Variants in YES1 observed in about 807,000 individuals in gnomAD.
YES1 encodes the protein YES proto-oncogene 1, Src family tyrosine kinase, also known as tyrosine-protein kinase Yes.
In YES1, 39 loss-of-function variants were observed where a neutral mutation model predicts 70.4. The ratio of observed to expected loss-of-function variants is 0.55; its 90% CI spans 0.43 to 0.72. The LOEUF (loss-of-function observed/expected upper bound fraction) is 0.72, where lower values mean the gene tolerates loss of function less well. YES1 is among the 30% of genes least tolerant of loss of function. The pLI is 0.00. For missense variants in YES1, 495 were observed against 644.8 expected, an observed-to-expected ratio of 0.77 and a Z score of 2.52; for synonymous variants, 198 against 218.6, an observed-to-expected ratio of 0.91 and a Z score of 0.83.
intron 1 of YES1, among the ~76,000 whole-genome samples, chr18:777,715 G>A (rs1279475944): frequency 6.6e-6 from 1 of 151,664 alleles, no homozygotes; most frequent in African/African-American, 2.4e-5. Context: ...GCTGAGGCAG[G>A]AGCATTGCTC....
intron 2 of YES1, among the ~76,000 whole-genome samples, chr18:752,769 C>A (rs192817876): frequency 6.6e-6 from 1 of 152,000 alleles, no homozygotes; most frequent in Non-Finnish European, 1.5e-5. Context: ...AGGGCGAAAC[C>A]CTGTCTGTAC....
At chr18:791,562 C>G (rs963733194) in intron 1 of YES1, among the ~76,000 whole-genome samples, 1 of 152,072 alleles carries the variant, frequency 6.6e-6, no homozygotes, top group African/African-American at 2.4e-5. Flanking sequence ...ACAGTACTGT[C>G]CAATAGAAAT....
intron 1 of YES1, among the ~76,000 whole-genome samples, chr18:757,463 A>G (rs1289691143): frequency 1.2e-4 from 18 of 148,238 alleles, no homozygotes; most frequent in Non-Finnish European, 2.1e-4. Context: ...AGATCGCGCC[A>G]CTGCACTCCA....
chr18:731,992 C>T (rs2080095904), intron 11 of YES1, among the ~76,000 whole-genome samples: 1 of 141,428 alleles, frequency 7.1e-6, no homozygotes, highest in Non-Finnish European at 1.5e-5. Context: ...AAAAAAGTCT[C>T]TTAATTTTGA....
chr18:808,999 T>C (rs980491410), intron 1 of YES1, among the ~76,000 whole-genome samples: 2 of 152,178 alleles, frequency 1.3e-5, no homozygotes, highest in East Asian at 3.9e-4. Flanking sequence ...AAACCGAAAA[T>C]AGATAAAAGT....
At chr18:728,270 T>C (rs1598883990) in intron 11 of YES1, among the ~76,000 whole-genome samples, 2 of 151,060 alleles carry the variant, frequency 1.3e-5, no homozygotes, top group Non-Finnish European at 2.9e-5. Context: ...GAGGCTGCAG[T>C]GAGCCCTGAT....
chr18:798,004 A>ACACAGT (rs1861303156), intron 1 of YES1: 1 of 152,228 alleles, frequency 6.6e-6, no homozygotes, highest in South Asian at 2.1e-4. Context: ...GAAAGCACGA[A>ACACAGT]CACAGTCCCT....
chr18:794,203 G>A (rs1906418094), intron 1 of YES1, among the ~76,000 whole-genome samples: 1 of 152,202 alleles, frequency 6.6e-6, no homozygotes, highest in Non-Finnish European at 1.5e-5. Flanking sequence ...AACACAGCGT[G>A]CCTCCTGATG....
At chr18:734,932 T>C (rs1398010430) in intron 10 of YES1, among the ~76,000 whole-genome samples, 2 of 152,044 alleles carry the variant, frequency 1.3e-5, no homozygotes, top group Non-Finnish European at 2.9e-5. Flanking sequence ...CCAAGGCGTG[T>C]GGATCACCTG....
chr18:761,647 T>C (rs1904600845), intron 1 of YES1, among the ~76,000 whole-genome samples: 2 of 152,292 alleles, frequency 1.3e-5, no homozygotes, highest in South Asian at 4.1e-4. Context: ...TCCTCCAGCC[T>C]CATTTTCTTA....
chr18:737,183 T>C, intron 9 of YES1: 1 of 455,104 alleles, frequency 2.2e-6, no homozygotes, highest in Non-Finnish European at 3.9e-6. Context: ...CTGGGTGCGG[T>C]GGCCCACACC....
At chr18:730,198 G>A (rs914768535) in intron 11 of YES1, among the ~76,000 whole-genome samples, 1 of 152,028 alleles carries the variant, frequency 6.6e-6, no homozygotes, top group African/African-American at 2.4e-5. Context: ...CATCTATCCA[G>A]TTTGGCTGGG....
At chr18:768,115 C>G (rs1194124315) in intron 1 of YES1, among the ~76,000 whole-genome samples, 1 of 152,228 alleles carries the variant, frequency 6.6e-6, no homozygotes, top group African/African-American at 2.4e-5. Flanking sequence ...CTACTCAACT[C>G]TGCTGGTTTA....
Position 756,796 on chromosome 18 carries a change from C to T in YES1, c.32G>A (p.Ser11Asn). MGCIKSKENK[S>N]PAIKYRPENT... ...TTCAGGTCTGTATTTAATGGCTGGACTTTTGTTTTCTTTACTTTTAATGCA... is the reference window on the plus strand; with the variant it reads ...TTCAGGTCTGTATTTAATGGCTGGATTTTTGTTTTCTTTACTTTTAATGCA... The change falls in exon 2 of 12, where the codon AGT (serine) becomes AAT (asparagine). Residue 11 changes from serine to asparagine, a missense_variant. By Grantham distance (46) the Ser-to-Asn change is conservative. This residue lies in a region of YES1 where 110 missense variants were observed against 104.0 expected (regional missense o/e 1.06). Transcript: ENST00000314574. The T allele has an allele frequency of 6.2e-7, 1 of 1,613,920 alleles. No homozygotes were observed. The highest frequency in any genetic ancestry group is 8.5e-7 in the Non-Finnish European group (1 of 1,179,972).
At chr18:802,930 AT>A (rs774644140) in intron 1 of YES1, among the ~76,000 whole-genome samples, 10 of 152,286 alleles carry the variant, frequency 6.6e-5, no homozygotes, top group Non-Finnish European at 4.4e-5. Flanking sequence ...CTAAAAAAAA[AT>A]AAAAATAAAA....
rs186046090 is a variant in YES1, at chr18:759,549, G to A, written c.-8-2714C>T. ...TGTATCTATGAGTTCTGCATCCATGGATTCAGCCAAGATTCAAAAGTTTCA... is the reference window on the plus strand; with the variant it reads ...TGTATCTATGAGTTCTGCATCCATGAATTCAGCCAAGATTCAAAAGTTTCA... On this transcript the variant is annotated intron_variant, in intron 1 of 11. Transcript: ENST00000314574. 9.1e-4 allele frequency among the ~76,000 whole-genome samples: 139 copies of A among 152,210 alleles called. 2 individuals carry two copies. Among genetic ancestry groups the A allele is most frequent in the African/African-American group, 3.2e-3 (134 of 41,516 alleles).
chr18:732,993 ATTGT>A, intron 10 of YES1, 28 bp from the exon 11 acceptor site: 1 of 1,612,988 alleles, frequency 6.2e-7, no homozygotes, highest in Non-Finnish European at 8.5e-7. Flanking sequence ...ATCTTGCTTA[ATTGT>A]TTTTTAAAAA....
chr18:791,061 C>A (rs1056200049), intron 1 of YES1, among the ~76,000 whole-genome samples: 1 of 151,030 alleles, frequency 6.6e-6, no homozygotes, highest in Non-Finnish European at 1.5e-5. Flanking sequence ...ACCAGCCTGG[C>A]CAACATGGTG....
chr18:780,194 T>G (rs563734852), intron 1 of YES1, among the ~76,000 whole-genome samples: 8 of 152,248 alleles, frequency 5.3e-5, no homozygotes, highest in South Asian at 4.1e-4. Context: ...CACTGCCCTC[T>G]GCACTCCAGC....
Sources: gnomAD v4.1 joint callset for allele counts (sites outside exome capture counted in the v4.1 genomes callset) on GRCh38, gnomAD v4.1.1 for gene constraint, gnomAD v4.1.1 regional missense constraint, MANE v1.5 for transcripts, NCBI Gene and HGNC (gene_info 2026-07-23, HGNC 2026-07-21) for gene names.